The following FBXO38 variants were observed in gnomAD, a reference collection of about 807,000 sequenced individuals.
FBXO38 encodes the protein F-box only protein 38.
Under a neutral mutation model 131.9 loss-of-function variants are expected in FBXO38, and 53 were observed. The observed-to-expected ratio is 0.40, with a 90% CI of 0.32 to 0.51. The LOEUF is 0.51. Ranked by LOEUF, FBXO38 falls within the 20% of genes least tolerant of loss-of-function variation. FBXO38 has a pLI of 0.53. For missense variants in FBXO38, 1,076 were observed against 1,475.6 expected (o/e 0.73, Z 4.44); for synonymous variants, 452 against 505.6 (o/e 0.89, Z 1.42).
intron 15 of FBXO38, 57 bp downstream of exon 15, chr5:148,428,004 A>T (rs374720043): frequency 7.1e-7 from 1 of 1,416,226 alleles, no homozygotes; most frequent in Non-Finnish European, 9.3e-7. Flanking sequence ...AAAGGCATGA[A>T]CTTGTTTCAT....
At chr5:148,441,460 A>G (rs1431139612) in intron 21 of FBXO38, 6 of 398,988 alleles carry the variant, frequency 1.5e-5, no homozygotes, top group Non-Finnish European at 2.2e-5. Context: ...TCCTTTAGAC[A>G]GATTTTCCTA....
intron 8 of FBXO38, 149 bp from the exon 9 acceptor site, chr5:148,410,484 CTG>C (rs1752686248): frequency 6.6e-6 from 6 of 911,042 alleles, no homozygotes; most frequent in Non-Finnish European, 8.4e-6. Context: ...CCATGTGGAA[CTG>C]TGAGTCCATT....
In FBXO38 at chr5:148,409,193, A is replaced by C; in HGVS notation, c.938A>C (p.Tyr313Ser). The C allele has an allele frequency of 6.2e-7, 1 of 1,609,078 alleles. No individual in the cohort carries two copies. The highest frequency in any genetic ancestry group is 8.5e-7 in the Non-Finnish European group (1 of 1,175,548). ...CKNALEVDLG[Y>S]LIITAARRLH... ...AATGCTCTTGAAGTAGATCTTGGTT[A>C]CCTCATCATTACTGCTGCCCGTAGG... Residue 313 changes from tyrosine (Y) to serine (S), a missense_variant, in exon 8 of 22, where the codon TAC (tyrosine) becomes TCC (serine). Tyr to Ser is a moderately radical substitution (Grantham distance 144, BLOSUM62 -2). Coordinates refer to ENST00000340253, the MANE Select transcript of FBXO38 (RefSeq NM_205836.3).
intron 17 of FBXO38, among the ~76,000 whole-genome samples, chr5:148,436,414 C>T (rs867909302): frequency 6.6e-6 from 1 of 152,138 alleles, no homozygotes; most frequent in African/African-American, 2.4e-5. Context: ...TGAGCACTAA[C>T]ATGATGCTCA....
intron 11 of FBXO38, 75 bp downstream of exon 11, chr5:148,416,145 T>C: frequency 1.4e-6 from 2 of 1,449,998 alleles, no homozygotes; most frequent in Non-Finnish European, 1.8e-6. Flanking sequence ...TTTTTTTTTT[T>C]TTTTCTTTTC....
chr5:148,392,581 T>TTGTGTGTGTGTGTG lies in FBXO38; in HGVS notation c.-63-2107_-63-2094dup, dbSNP rs55667300. Among the ~76,000 whole-genome samples the TTGTGTGTGTGTGTG allele has an allele frequency of 4.4e-3, 624 of 141,926 alleles. 4 individuals are homozygous for TTGTGTGTGTGTGTG. Among genetic ancestry groups the TTGTGTGTGTGTGTG allele is most frequent in the South Asian group, 0.011 (49 of 4,412 alleles). 93.1% of individuals were successfully genotyped at this position (141,926 alleles called of 152,430 possible). ...AAATTTTTTCTTTTTTTGCTTTTCT[T>TTGTGTGTGTGTGTG]TGTGTGTGTGTGTGTGTGTGTGTGT... On this transcript the variant is annotated intron_variant, in intron 1 of 21. Coordinates refer to ENST00000340253, the MANE Select transcript of FBXO38 (RefSeq NM_205836.3).
chr5:148,409,962 T>C (rs1481931908), intron 8 of FBXO38, among the ~76,000 whole-genome samples: 2 of 152,234 alleles, frequency 1.3e-5, no homozygotes, highest in African/African-American at 4.8e-5. Flanking sequence ...TCACATTGAC[T>C]CTTCAGGTTT....
intron 2 of FBXO38, among the ~76,000 whole-genome samples, chr5:148,396,457 CA>C (rs746100843): frequency 3.3e-5 from 5 of 152,176 alleles, no homozygotes; most frequent in Non-Finnish European, 5.9e-5. Context: ...TCTCAACCTA[CA>C]AACCATTTGG....
rs1361110357 is a variant in FBXO38, at chr5:148,399,027, A to G, written c.157A>G (p.Met53Val). Residue 53 changes from methionine (M) to valine (V), a missense_variant, in exon 3 of 22, where the codon ATG becomes GTG. By Grantham distance (21) the Met-to-Val change is conservative. Around this residue, in one of 8 missense-constraint regions of FBXO38, gnomAD observed 96 missense variants for 193.9 expected, o/e 0.50. Transcript: ENST00000340253. The stretch of plus-strand genomic sequence containing the variant: ...CCTCCCTCTGCAGGATATCATGTGT[A>G]TGGAATGTCTTTCCCGGAAGCTAAA... ...RYLPLQDIMC[M>V]ECLSRKLKEA... The G allele has an allele frequency of 1.5e-5, 25 of 1,613,404 alleles. No homozygotes were observed. The highest frequency in any genetic ancestry group is 2.1e-5 in the Non-Finnish European group (25 of 1,179,606).
At chr5:148,433,808 T>A in intron 17 of FBXO38, 71 bp downstream of exon 17, 8 of 766,814 alleles carry the variant, frequency 1.0e-5, no homozygotes, top group African/African-American at 1.8e-5. Context: ...TCATAAATAC[T>A]GTAATAGCAT....
chr5:148,411,511 C>T (rs570552461), intron 9 of FBXO38, among the ~76,000 whole-genome samples: 65 of 152,082 alleles, frequency 4.3e-4, no homozygotes, highest in Admixed American at 2.0e-3. Context: ...TTCTTTGGAT[C>T]TAGTTTGTAT....
chr5:148,390,010 C>G (rs1214283936), intron 1 of FBXO38: 1 of 149,942 alleles, frequency 6.7e-6, no homozygotes, highest in East Asian at 2.0e-4. Context: ...GCCTGGGCAA[C>G]ACAGCGAGAC....
intron 1 of FBXO38, among the ~76,000 whole-genome samples, chr5:148,386,218 A>AT (rs1757906032): frequency 6.6e-6 from 1 of 152,158 alleles, no homozygotes. Flanking sequence ...TTCTCCAAGC[A>AT]CTAGGGCATT....
intron 15 of FBXO38, chr5:148,430,576 C>T (rs974142411): frequency 6.6e-6 from 1 of 151,994 alleles, no homozygotes; most frequent in Non-Finnish European, 1.5e-5. Flanking sequence ...GGTGATCCAC[C>T]CGCCTCAGCC....
Position 148,425,560 on chromosome 5 carries a change from A to G in FBXO38, c.1777A>G (p.Ile593Val), listed in dbSNP as rs780773753. The change falls in exon 14 of 22, where the codon ATT becomes GTT. Residue 593 changes from isoleucine (I) to valine (V), a missense_variant. Ile to Val is a conservative substitution (Grantham distance 29). Coordinates refer to ENST00000340253, the MANE Select transcript of FBXO38 (RefSeq NM_205836.3). Reference sequence around the variant, plus strand: ...TCAGCGTGTAGTAAAACCAACCTCAATTACTGTTCATGATTCAGAGAGTGA... The same window carrying G: ...TCAGCGTGTAGTAAAACCAACCTCAGTTACTGTTCATGATTCAGAGAGTGA... ...GLQRVVKPTS[I>V]TVHDSESDDE... 1.1e-5 allele frequency: 17 copies of G among 1,613,578 alleles called. No individual in the cohort carries two copies. The highest frequency in any genetic ancestry group is 4.0e-5 in the African/African-American group (3 of 74,850).
chr5:148,402,522 A>G lies in FBXO38; in HGVS notation c.592+9A>G, dbSNP rs1235333798. Reference sequence around the variant, plus strand: ...AACTTTACATTTAGTTGGTGAGTACATGTTTCTTGGGTCACTTGTAACTCC... The same window carrying G: ...AACTTTACATTTAGTTGGTGAGTACGTGTTTCTTGGGTCACTTGTAACTCC... On this transcript the variant is annotated intron_variant, in intron 5 of 21. Coordinates refer to ENST00000340253, the MANE Select transcript of FBXO38 (RefSeq NM_205836.3). 4 of 1,595,520 alleles carry G rather than the reference A, an allele frequency of 2.5e-6. No homozygotes were observed. Among genetic ancestry groups the G allele is most frequent in the Non-Finnish European group, 3.4e-6 (4 of 1,167,820 alleles).
intron 17 of FBXO38, among the ~76,000 whole-genome samples, chr5:148,436,407 G>A (rs768686244): frequency 6.6e-6 from 1 of 152,106 alleles, no homozygotes; most frequent in Non-Finnish European, 1.5e-5. Flanking sequence ...AACTTTCTGA[G>A]CACTAACATG....
chr5:148,394,912 T>G lies in FBXO38; in HGVS notation c.128+8T>G. ...ACTTTGCCATATTTTTAGGTAAGAT[T>G]GTGTTTGGTTGGCTTACCTGCCTGG... On this transcript the variant is annotated splice_region_variant and intron_variant, in intron 2 of 21. Coordinates refer to ENST00000340253, the MANE Select transcript of FBXO38 (RefSeq NM_205836.3). 6.4e-7 allele frequency: 1 copy of G among 1,565,592 alleles called. No individual in the cohort carries two copies. Among genetic ancestry groups the G allele is most frequent in the South Asian group, 1.2e-5 (1 of 83,862 alleles).
chr5:148,386,264 G>C (rs72832029), intron 1 of FBXO38, among the ~76,000 whole-genome samples: 1 of 152,256 alleles, frequency 6.6e-6, no homozygotes, highest in Non-Finnish European at 1.5e-5. Flanking sequence ...CAGTGACAGA[G>C]GACTGACTTG....
Sources: allele counts gnomAD v4.1 joint callset (sites outside exome capture counted in the v4.1 genomes callset), GRCh38; gene constraint gnomAD v4.1.1; regional missense constraint gnomAD v4.1.1; transcripts MANE v1.5; gene names NCBI Gene and HGNC (gene_info 2026-07-23, HGNC 2026-07-21).